LIPA: variants seen among roughly 807,000 people sequenced by gnomAD.
LIPA encodes the protein lipase A, lysosomal acid type.
In LIPA, 26 loss-of-function variants were observed where a neutral mutation model predicts 40.6. The observed-to-expected ratio is 0.64, with a 90% CI of 0.47 to 0.89. LIPA has a LOEUF of 0.89. Ranked by LOEUF, LIPA falls within the 40% of genes least tolerant of loss-of-function variation. LIPA has a pLI of 0.00. For synonymous variants in LIPA, 188 were observed against 168.4 expected (o/e 1.12, Z -0.90); for missense variants, 455 against 479.6 (o/e 0.95, Z 0.48).
At chr10:89,321,016 T>G (rs12764746) in intron 1 of LIPA, among the ~76,000 whole-genome samples, 15,835 of 151,388 alleles carry the variant, frequency 0.1, 777 homozygotes, top group Non-Finnish European at 0.16. Context: ...GCTAGCCATA[T>G]GTAGAAAGCT....
chr10:89,243,466 T>G (rs1444379526), intron 3 of LIPA, among the ~76,000 whole-genome samples: 2 of 152,176 alleles, frequency 1.3e-5, no homozygotes, highest in Non-Finnish European at 2.9e-5. Context: ...ATGAACAGAT[T>G]TAGCTTAGAG....
chr10:89,388,325 C>T (rs1382421244), intron 2 of LIPA, among the ~76,000 whole-genome samples: 3 of 152,136 alleles, frequency 2.0e-5, no homozygotes, highest in Admixed American at 6.5e-5. Context: ...AGCATGGTCT[C>T]GAACCCCTGA....
chr10:89,247,321 G>A (rs1352111775), intron 2 of LIPA, among the ~76,000 whole-genome samples: 1 of 133,488 alleles, frequency 7.5e-6, no homozygotes, highest in African/African-American at 2.9e-5. Flanking sequence ...GCAATGAGCC[G>A]AGATCACACC....
At chr10:89,330,618 G>A (rs1162888174) in intron 1 of LIPA, among the ~76,000 whole-genome samples, 1 of 152,166 alleles carries the variant, frequency 6.6e-6, no homozygotes, top group Non-Finnish European at 1.5e-5. Flanking sequence ...TTGGATGAAG[G>A]GAAAAGGAAA....
At chr10:89,339,807 G>A (rs776730398) in intron 1 of LIPA, 19 of 1,614,192 alleles carry the variant, frequency 1.2e-5, no homozygotes, top group Non-Finnish European at 1.6e-5. Context: ...ATGGTTTAGA[G>A]GGTTTGTCCA....
chr10:89,411,474 C>G (rs149218695), intron 2 of LIPA, among the ~76,000 whole-genome samples: 1 of 152,172 alleles, frequency 6.6e-6, no homozygotes, highest in Non-Finnish European at 1.5e-5. Context: ...ATGGACTGAA[C>G]GAGGTCTTAC....
At chr10:89,413,841 T>C (rs1169482551) in intron 1 of LIPA, among the ~76,000 whole-genome samples, 2 of 151,916 alleles carry the variant, frequency 1.3e-5, no homozygotes, top group Non-Finnish European at 2.9e-5. Flanking sequence ...AATACAGACA[T>C]TAACTCAATA....
At position 89,301,975 on chromosome 10, in the gene LIPA, A is replaced by G. The variant is rs929453935; in HGVS notation, c.-2+40636T>C. 1.6e-5 allele frequency: 10 copies of G among 638,472 alleles called. No individual in the cohort carries two copies. The South Asian group carries it at 2.0e-4, about 13-fold the overall frequency. The allele number at this position is 638,472 out of a possible 1,614,324, so 39.6% of individuals were successfully genotyped here. ...GTTTCACTTTCCCTTTTGTAACGTC[A>G]GCTGAAGGGAAACAAACAAAAAGGA... On this transcript the variant is annotated intron_variant, in intron 1 of 5. Transcript: ENST00000282673.
rs374038623 is a variant in LIPA at position 89,339,389 on chromosome 10, G to A, written c.-2+3222C>T. ...TCTCCTTGCCAAACAGATGTCCTCC[G>A]CAGTGCAGCCAAATTTTACAGAAGA... is the stretch of plus-strand genomic sequence containing the variant. On this transcript the variant is annotated intron_variant, in intron 1 of 5. Transcript: ENST00000282673. 48 of 1,614,000 alleles carry A rather than the reference G, an allele frequency of 3.0e-5. No individual in the cohort carries two copies. The highest frequency in any genetic ancestry group is 1.1e-4 in the East Asian group (5 of 44,900).
At chr10:89,351,340 A>G (rs1241779186) in intron 2 of LIPA, among the ~76,000 whole-genome samples, 1 of 152,198 alleles carries the variant, frequency 6.6e-6, no homozygotes, top group Non-Finnish European at 1.5e-5. Flanking sequence ...AATGCACAGA[A>G]TGGTTTTTTT....
At chr10:89,352,511 T>C (rs1349523435) in intron 2 of LIPA, among the ~76,000 whole-genome samples, 1 of 152,226 alleles carries the variant, frequency 6.6e-6, no homozygotes, top group Non-Finnish European at 1.5e-5. Flanking sequence ...CAACAATTTT[T>C]GTCTTAGTCT....
At position 89,223,775 on chromosome 10, in the gene LIPA, C is replaced by G; in HGVS notation, c.731G>C (p.Gly244Ala). 1 of 1,613,954 alleles carries G rather than the reference C, an allele frequency of 6.2e-7. No homozygotes were observed. Residue 244 changes from glycine to alanine, a missense_variant, in exon 7 of 10, where the codon GGT (glycine) becomes GCT (alanine). Physicochemically the swap from Gly to Ala is moderately conservative, Grantham distance 60 (BLOSUM62 0). Coordinates refer to ENST00000336233, the MANE Select transcript of LIPA (RefSeq NM_000235.4). ...LPQSAFLKWL[G>A]THVCTHVILK... ...TATGACATGAGTGCAAACGTGGGTA[C>G]CCAGCCACTTCAAAAACGCACTCTG...
intron 2 of LIPA, among the ~76,000 whole-genome samples, chr10:89,397,657 T>A (rs1404520203): frequency 2.0e-5 from 3 of 151,272 alleles, no homozygotes; most frequent in African/African-American, 4.9e-5. Flanking sequence ...ATTATAGGCA[T>A]GAGTCATTGT....
intron 1 of LIPA, among the ~76,000 whole-genome samples, chr10:89,330,601 C>G (rs902121054): frequency 6.6e-6 from 1 of 152,196 alleles, no homozygotes; most frequent in African/African-American, 2.4e-5. Context: ...GCATAATTTT[C>G]TATCATTTGG....
Position 89,377,170 on chromosome 10 carries a change from A to C in LIPA, c.61+35621T>G, listed in dbSNP as rs560999096. ...GGGCAATTACATCAGCCTTGGGATCATATAAATTTTTCATTAAACATGTGA... is the reference window on the plus strand; with the variant it reads ...GGGCAATTACATCAGCCTTGGGATCCTATAAATTTTTCATTAAACATGTGA... On this transcript the variant is annotated intron_variant, in intron 2 of 8. Coordinates refer to the LIPA transcript ENST00000371837. Among the ~76,000 whole-genome samples, 131 of 152,324 alleles carry C rather than the reference A, an allele frequency of 8.6e-4. 1 individual carries two copies. Among genetic ancestry groups the C allele is most frequent in the African/African-American group, 3.1e-3 (128 of 41,566 alleles).
chr10:89,248,651 ATT>A (rs373931086), intron 1 of LIPA, among the ~76,000 whole-genome samples: 6 of 137,798 alleles, frequency 4.4e-5, no homozygotes, highest in Non-Finnish European at 6.4e-5. Context: ...ATTTTTTTGT[ATT>A]TTTTTTTTTT....
intron 2 of LIPA, among the ~76,000 whole-genome samples, chr10:89,354,773 G>A (rs1843980888): frequency 6.6e-6 from 1 of 152,162 alleles, no homozygotes; most frequent in South Asian, 2.1e-4. Context: ...TCACCGTCTT[G>A]GCCAGGCTGG....
At chr10:89,358,708 G>A (rs139880224) in intron 2 of LIPA, among the ~76,000 whole-genome samples, 6 of 152,212 alleles carry the variant, frequency 3.9e-5, no homozygotes, top group East Asian at 1.9e-4. Flanking sequence ...AATCATATGC[G>A]GGAACTAAGA....
chr10:89,226,937 C>G lies in LIPA; in HGVS notation c.496G>C (p.Glu166Gln). The change falls in exon 5 of 10, where the codon GAA becomes CAA. Residue 166 changes from glutamate to glutamine, a missense_variant. Coordinates refer to ENST00000336233, the MANE Select transcript of LIPA (RefSeq NM_000235.4). ...GAATGACCCACATAATACACTTGTT[C>G]TTGGCCAGTTTTATTCAGAATGAAG... ...INFILNKTGQ[E>Q]QVYYVGHSQG... 1 of 1,613,068 alleles carries G rather than the reference C, an allele frequency of 6.2e-7. No homozygotes were observed. Among genetic ancestry groups the G allele is most frequent in the Non-Finnish European group, 8.5e-7 (1 of 1,179,220 alleles).
Sources: allele counts gnomAD v4.1 joint callset (sites outside exome capture counted in the v4.1 genomes callset), GRCh38; gene constraint gnomAD v4.1.1; transcripts MANE v1.5; gene names NCBI Gene and HGNC (gene_info 2026-07-23, HGNC 2026-07-21).